The following VRK2 variants were observed in gnomAD, a reference collection of about 807,000 sequenced individuals.
VRK2 encodes the protein serine/threonine-protein kinase VRK2.
VRK2 carries 60 observed loss-of-function variants against 57.6 expected under a neutral mutation model. The observed-to-expected ratio is 1.04, with a 90% CI of 0.85 to 1.29. The LOEUF is 1.29. VRK2 is among the 50% of genes most tolerant of loss of function. VRK2 has a pLI of 0.00. For missense variants in VRK2, 705 were observed against 588.1 expected, an observed-to-expected ratio of 1.20 and a Z score of -2.06; for synonymous variants, 231 against 199.2, an observed-to-expected ratio of 1.16 and a Z score of -1.35.
intron 8 of VRK2, among the ~76,000 whole-genome samples, chr2:58,127,114 A>C (rs981773252): frequency 2.0e-5 from 3 of 152,088 alleles, no homozygotes; most frequent in African/African-American, 7.2e-5. Context: ...TAATATGTTT[A>C]GTATCAAAGA....
At chr2:58,020,054 G>C (rs1490404150) in intron 1 of VRK2, among the ~76,000 whole-genome samples, 1 of 152,136 alleles carries the variant, frequency 6.6e-6, no homozygotes, top group Non-Finnish European at 1.5e-5. Context: ...ATATTACTTA[G>C]GGACATTGCT....
At chr2:58,119,164 G>C (rs997889038) in intron 7 of VRK2, among the ~76,000 whole-genome samples, 1 of 152,046 alleles carries the variant, frequency 6.6e-6, no homozygotes, top group Non-Finnish European at 1.5e-5. Context: ...GAGAGATCTT[G>C]GTTCTGAGGC....
rs60379025 is a variant in VRK2 at position 58,151,731 on chromosome 2, G to GTTTTTTT, written c.1182+5287_1182+5293dup. 1.4e-3 allele frequency among the ~76,000 whole-genome samples: 24 copies of GTTTTTTT among 16,720 alleles called. 10 individuals are homozygous for GTTTTTTT. The highest frequency in any genetic ancestry group is 2.1e-3 in the Non-Finnish European group (14 of 6,626). The allele number at this position is 16,720 out of a possible 152,430, so 11.0% of individuals were successfully genotyped here. A position where few individuals can be genotyped will look rare whatever the true frequency, so the allele number is the denominator to read the frequency against. On this transcript the variant is annotated intron_variant, in intron 12 of 12. Coordinates refer to ENST00000340157, the MANE Select transcript of VRK2 (RefSeq NM_006296.7). ...TTTTTTTAACTATGCTTCTATGCTT[G>GTTTTTTT]TTTTTTTTTTTTTTTTTTTTTTTTT...
intron 1 of VRK2, among the ~76,000 whole-genome samples, chr2:57,973,748 C>T (rs1672165077): frequency 6.6e-6 from 1 of 151,718 alleles, no homozygotes; most frequent in Admixed American, 6.6e-5. Context: ...AAAGAAAGGA[C>T]AACTTCCTGA....
At chr2:58,060,238 AT>A (rs1370974250) in intron 2 of VRK2, among the ~76,000 whole-genome samples, 1 of 151,956 alleles carries the variant, frequency 6.6e-6, no homozygotes, top group African/African-American at 2.4e-5. Flanking sequence ...GGAAGAAAAA[AT>A]TGCCTAGTCT....
chr2:58,108,911 C>G lies in VRK2; in HGVS notation c.544-14190C>G, dbSNP rs182524662. ...ATTTGTTTTACATAGATCACCTACC[C>G]TTACTCATCCTTTTTTCTCATTCTC... On this transcript the variant is annotated intron_variant, in intron 7 of 12. Coordinates refer to ENST00000340157, the MANE Select transcript of VRK2 (RefSeq NM_006296.7). Among the ~76,000 whole-genome samples, 55 of 152,308 alleles carry G rather than the reference C, an allele frequency of 3.6e-4. 1 individual carries two copies. Among genetic ancestry groups the G allele is most frequent in the African/African-American group, 1.2e-3 (50 of 41,562 alleles).
At chr2:57,958,545 G>A (rs757537672) in intron 1 of VRK2, among the ~76,000 whole-genome samples, 2 of 151,528 alleles carry the variant, frequency 1.3e-5, no homozygotes, top group Non-Finnish European at 2.9e-5. Flanking sequence ...TAGAAGACTC[G>A]AAACGATGTT....
chr2:58,154,878 T>G (rs964846204), intron 12 of VRK2: 2 of 616,406 alleles, frequency 3.2e-6, no homozygotes, highest in East Asian at 2.8e-5. Flanking sequence ...ACATTTCAAT[T>G]TTGTTCACTT....
At position 58,154,747 on chromosome 2, in the gene VRK2, T is replaced by C. The variant is rs373241077; in HGVS notation, c.1183-4602T>C. ...GATCTTGGTGTATTTTCTTCCCTTTTTTCCAGTTTAGGTAGAAGCTTAGGC... is the reference window on the plus strand; with the variant it reads ...GATCTTGGTGTATTTTCTTCCCTTTCTTCCAGTTTAGGTAGAAGCTTAGGC... On this transcript the variant is annotated intron_variant, in intron 12 of 12. Coordinates refer to ENST00000340157, the MANE Select transcript of VRK2 (RefSeq NM_006296.7). 36 of 717,808 alleles carry C rather than the reference T, an allele frequency of 5.0e-5. No individual in the cohort carries two copies. In the African/African-American group the frequency reaches 5.2e-4, roughly 10 times the overall value. The allele number at this position is 717,808 out of a possible 1,614,324, so 44.5% of individuals were successfully genotyped here.
rs568856764 is a variant in VRK2 at position 58,015,947 on chromosome 2, C to CT, written c.-438-9708dup. 3.3e-3 allele frequency among the ~76,000 whole-genome samples: 493 copies of CT among 147,620 alleles called. 6 individuals carry two copies. Among genetic ancestry groups the CT allele is most frequent in the African/African-American group, 0.011 (442 of 40,280 alleles). On this transcript the variant is annotated intron_variant, in intron 1 of 15. Transcript: ENST00000417641. ...GATTTTGTTTTTTTCTTATAGCTAG[C>CT]TTTTTTTTTTGTAATCAAGTGAAGA... is the stretch of plus-strand genomic sequence containing the variant.
In VRK2 at chr2:58,089,552, T is replaced by C. The variant is rs1672082463; in HGVS notation, c.451-79T>C. On this transcript the variant is annotated intron_variant, in intron 6 of 12. Transcript: ENST00000340157. ...AATGTTAATATGAAAAAACCCATGT[T>C]ATTCTATATTCAAAATGTTGAAATT... The C allele has an allele frequency of 8.5e-6, 7 of 827,980 alleles. No individual in the cohort carries two copies. The East Asian group carries it at 1.9e-4, about 23-fold the overall frequency. 51.3% of individuals were successfully genotyped at this position (827,980 alleles called of 1,614,324 possible). A position where few individuals can be genotyped will look rare whatever the true frequency, so the allele number is the denominator to read the frequency against.
intron 7 of VRK2, among the ~76,000 whole-genome samples, chr2:58,097,398 ATCTT>A (rs1426786363): frequency 6.6e-6 from 1 of 151,844 alleles, no homozygotes; most frequent in East Asian, 1.9e-4. Flanking sequence ...GTTTTTTTAA[ATCTT>A]TCAAGTTGTT....
intron 3 of VRK2, among the ~76,000 whole-genome samples, chr2:58,037,834 A>G (rs898429900): frequency 6.6e-6 from 1 of 152,160 alleles, no homozygotes; most frequent in Non-Finnish European, 1.5e-5. Flanking sequence ...CAAAGTACAA[A>G]TGCCTAATAA....
intron 7 of VRK2, among the ~76,000 whole-genome samples, chr2:58,090,492 T>G (rs1490914505): frequency 2.0e-5 from 3 of 152,008 alleles, no homozygotes; most frequent in Non-Finnish European, 4.4e-5. Flanking sequence ...TCCAATATGG[T>G]AGCCATTAGC....
chr2:58,159,584 C>T lies in VRK2; in HGVS notation c.1418C>T (p.Thr473Ile), dbSNP rs1276621824. 1.2e-6 allele frequency: 2 copies of T among 1,613,772 alleles called. No homozygotes were observed. Among genetic ancestry groups the T allele is most frequent in the African/African-American group, 1.3e-5 (1 of 74,930 alleles). ...DLESSTGLWP[T>I]ISQFTLSEET... ...GAAAGTTCAACTGGACTTTGGCCTA[C>T]AATTTCCCAGTTTACTCTTAGTGAA... The change falls in exon 13 of 13, where the codon ACA (threonine) becomes ATA (isoleucine). Residue 473 changes from threonine to isoleucine, a missense_variant. By Grantham distance (89) the Thr-to-Ile change is moderately conservative. Transcript: ENST00000340157.
chr2:58,051,679 T>C (rs1194627225), intron 2 of VRK2, among the ~76,000 whole-genome samples: 1 of 152,230 alleles, frequency 6.6e-6, no homozygotes, highest in African/African-American at 2.4e-5. Flanking sequence ...CTAGCTGCTC[T>C]GTCTAGCTCA....
chr2:57,994,315 C>T (rs1672859381), intron 1 of VRK2, among the ~76,000 whole-genome samples: 1 of 152,138 alleles, frequency 6.6e-6, no homozygotes, highest in Non-Finnish European at 1.5e-5. Flanking sequence ...AACATTATAA[C>T]ATAAACTGTG....
intron 1 of VRK2, among the ~76,000 whole-genome samples, chr2:57,950,275 A>G (rs192437454): frequency 2.2e-4 from 33 of 152,306 alleles, no homozygotes; most frequent in Middle Eastern, 3.4e-3. Flanking sequence ...GAAGAGGTCA[A>G]CTCCTGGCTT....
At chr2:58,040,636 C>T (rs1674419392) in intron 3 of VRK2, among the ~76,000 whole-genome samples, 1 of 152,172 alleles carries the variant, frequency 6.6e-6, no homozygotes, top group Non-Finnish European at 1.5e-5. Flanking sequence ...AATCCAGGTC[C>T]ATTTTGATGC....
Sources: allele counts gnomAD v4.1 joint callset (sites outside exome capture counted in the v4.1 genomes callset), GRCh38; gene constraint gnomAD v4.1.1; transcripts MANE v1.5; gene names NCBI Gene and HGNC (gene_info 2026-07-23, HGNC 2026-07-21).